The following PACRG variants were observed in gnomAD, a reference collection of about 807,000 sequenced individuals.
PACRG encodes parkin coregulated, also known as parkin coregulated gene protein.
A neutral mutation model predicts 29.7 loss-of-function variants in PACRG; 29 were observed. The ratio of observed to expected loss-of-function variants is 0.98; its 90% CI spans 0.73 to 1.33. The LOEUF is 1.33. Ranked by LOEUF, PACRG falls within the 40% of genes most tolerant of loss-of-function variation. PACRG has a pLI of 0.00. For missense variants in PACRG, 279 were observed against 316.2 expected, an observed-to-expected ratio of 0.88 and a Z score of 0.89; for synonymous variants, 116 against 118.7, an observed-to-expected ratio of 0.98 and a Z score of 0.15.
intron 4 of PACRG, among the ~76,000 whole-genome samples, chr6:163,218,579 T>G (rs928195995): frequency 6.6e-6 from 1 of 152,194 alleles, no homozygotes; most frequent in Non-Finnish European, 1.5e-5. Flanking sequence ...TCAGGGCCCC[T>G]GGCAGCCTTG....
intron 4 of PACRG, among the ~76,000 whole-genome samples, chr6:163,175,261 G>A (rs775437591): frequency 2.5e-4 from 38 of 152,164 alleles, no homozygotes; most frequent in Non-Finnish European, 4.6e-4. Context: ...TAACTTTAAA[G>A]CTTGGGGAAC....
At chr6:163,260,251 T>C (rs937818182) in intron 4 of PACRG, among the ~76,000 whole-genome samples, 1 of 152,216 alleles carries the variant, frequency 6.6e-6, no homozygotes, top group Non-Finnish European at 1.5e-5. Context: ...GGCTCTGCCT[T>C]GGTCTCTCCT....
intron 1 of PACRG, among the ~76,000 whole-genome samples, chr6:162,755,947 G>C (rs1236316480): frequency 6.6e-6 from 1 of 151,642 alleles, no homozygotes; most frequent in African/African-American, 2.4e-5. Flanking sequence ...CTGCATATTT[G>C]TGTATTTTTC....
At chr6:163,179,197 T>C (rs751018456) in intron 4 of PACRG, 5 of 455,858 alleles carry the variant, frequency 1.1e-5, no homozygotes, top group African/African-American at 8.0e-5. Flanking sequence ...GCTCCTCACA[T>C]GTGCGTCTTA....
chr6:163,119,709 T>G (rs1286543610), intron 4 of PACRG, among the ~76,000 whole-genome samples: 1 of 152,182 alleles, frequency 6.6e-6, no homozygotes, highest in Non-Finnish European at 1.5e-5. Context: ...AATTTAATGT[T>G]GCATAAAAAC....
At chr6:163,121,257 T>C (rs1816253046) in intron 4 of PACRG, among the ~76,000 whole-genome samples, 1 of 152,246 alleles carries the variant, frequency 6.6e-6, no homozygotes, top group Admixed American at 6.5e-5. Context: ...TAAAGCATTA[T>C]ACATAGTTTA....
intron 2 of PACRG, among the ~76,000 whole-genome samples, chr6:162,922,463 TATAAA>T (rs1797133380): frequency 6.6e-6 from 1 of 151,874 alleles, no homozygotes; most frequent in Non-Finnish European, 1.5e-5. Flanking sequence ...CTTTTGTAAA[TATAAA>T]ATAAATTATT....
chr6:163,045,814 C>A (rs1809296954), intron 2 of PACRG, among the ~76,000 whole-genome samples: 1 of 151,642 alleles, frequency 6.6e-6, no homozygotes, highest in South Asian at 2.1e-4. Flanking sequence ...CGGGGTTTCA[C>A]CATGTTGGCC....
At chr6:162,776,966 A>T (rs922649466) in intron 1 of PACRG, among the ~76,000 whole-genome samples, 1 of 152,164 alleles carries the variant, frequency 6.6e-6, no homozygotes, top group African/African-American at 2.4e-5. Context: ...AAAAGACTAC[A>T]CATTGGGTAC....
intron 4 of PACRG, among the ~76,000 whole-genome samples, chr6:163,092,431 C>G (rs899480909): frequency 3.9e-5 from 6 of 152,174 alleles, no homozygotes; most frequent in African/African-American, 1.4e-4. Flanking sequence ...GCAATGAAAA[C>G]TTAGAGCCAG....
chr6:163,085,630 ACTC>A (rs1164426940), intron 3 of PACRG, among the ~76,000 whole-genome samples: 1 of 152,092 alleles, frequency 6.6e-6, no homozygotes, highest in Non-Finnish European at 1.5e-5. Flanking sequence ...CAGTGAAAGA[ACTC>A]CTTACTGGGA....
intron 4 of PACRG, among the ~76,000 whole-genome samples, chr6:163,235,309 A>G (rs932353686): frequency 1.3e-5 from 2 of 152,184 alleles, no homozygotes; most frequent in Non-Finnish European, 2.9e-5. Flanking sequence ...TTTCTTCTCC[A>G]TTGATAAAGC....
At chr6:162,756,316 G>T (rs1781915846) in intron 1 of PACRG, among the ~76,000 whole-genome samples, 1 of 152,002 alleles carries the variant, frequency 6.6e-6, no homozygotes, top group Non-Finnish European at 1.5e-5. Context: ...CTGTATATAG[G>T]TGCTCTAATA....
intron 4 of PACRG, chr6:163,112,128 C>G (rs1266792095): frequency 6.7e-6 from 5 of 740,844 alleles, no homozygotes; most frequent in African/African-American, 1.9e-5. Flanking sequence ...CACCAGGCAT[C>G]TGCCTCCCTA....
intron 2 of PACRG, among the ~76,000 whole-genome samples, chr6:162,833,098 T>C (rs1404124644): frequency 6.6e-6 from 1 of 152,154 alleles, no homozygotes; most frequent in Non-Finnish European, 1.5e-5. Context: ...TTTAAACTTT[T>C]TCCCCTATCA....
intron 1 of PACRG, among the ~76,000 whole-genome samples, chr6:162,766,856 A>T (rs1435116552): frequency 6.6e-6 from 1 of 152,126 alleles, no homozygotes; most frequent in Non-Finnish European, 1.5e-5. Context: ...ATGTAAATAT[A>T]AAAGGCTATA....
chr6:162,823,243 C>T (rs914800536), intron 2 of PACRG, among the ~76,000 whole-genome samples: 1 of 152,014 alleles, frequency 6.6e-6, no homozygotes, highest in Non-Finnish European at 1.5e-5. Context: ...TTAAAAATTG[C>T]TTCCATGTAT....
rs781665495 is a variant in PACRG, at chr6:162,732,205, C to T, written c.156+3814C>T. On this transcript the variant is annotated intron_variant, in intron 1 of 4. Coordinates refer to ENST00000366888, the MANE Select transcript of PACRG (RefSeq NM_001080379.2). ...ACCCATGAAGCAACTCCCAAGCCCACGTACCTGTCTCCTCAGGAAAAGGAT... is the reference window on the plus strand; with the variant it reads ...ACCCATGAAGCAACTCCCAAGCCCATGTACCTGTCTCCTCAGGAAAAGGAT... Among the ~76,000 whole-genome samples the T allele has an allele frequency of 3.3e-5, 5 of 152,166 alleles. 1 individual carries two copies. Among genetic ancestry groups the T allele is most frequent in the Non-Finnish European group, 7.3e-5 (5 of 68,028 alleles).
intron 4 of PACRG, among the ~76,000 whole-genome samples, chr6:163,314,231 C>T (rs770634897): frequency 5.9e-5 from 9 of 152,150 alleles, no homozygotes; most frequent in Non-Finnish European, 7.3e-5. Flanking sequence ...GCTGTCATCC[C>T]AGCATTGAGT....
Sources: allele counts gnomAD v4.1 joint callset (sites outside exome capture counted in the v4.1 genomes callset), GRCh38; gene constraint gnomAD v4.1.1; transcripts MANE v1.5; gene names NCBI Gene and HGNC (gene_info 2026-07-23, HGNC 2026-07-21).